Variants in STK32B observed in about 807,000 individuals in gnomAD.
STK32B encodes the protein serine/threonine kinase 32B, also known as serine/threonine-protein kinase 32B.
In STK32B, 43 loss-of-function variants were observed where a neutral mutation model predicts 52.6. The ratio of observed to expected loss-of-function variants is 0.82; its 90% CI spans 0.64 to 1.05. STK32B has a LOEUF of 1.05. Among genes scored for constraint, STK32B ranks in the 50% least tolerant of loss-of-function variants. STK32B has a pLI of 0.00. For missense variants in STK32B, 621 were observed against 534.6 expected (o/e 1.16, Z -1.59); for synonymous variants, 238 against 204.3 (o/e 1.17, Z -1.41).
chr4:5,461,663 G>T (rs1446398983), intron 9 of STK32B, among the ~76,000 whole-genome samples: 3 of 152,172 alleles, frequency 2.0e-5, no homozygotes, highest in South Asian at 2.1e-4. Flanking sequence ...TCCAGGGCTG[G>T]CCCTGCTCTC....
At chr4:5,242,741 C>A (rs1345658853) in intron 3 of STK32B, among the ~76,000 whole-genome samples, 52 of 152,126 alleles carry the variant, frequency 3.4e-4, no homozygotes, top group Admixed American at 1.3e-3. Context: ...ATCCATCTTG[C>A]ATTAATTTTT....
intron 6 of STK32B, among the ~76,000 whole-genome samples, chr4:5,424,703 C>T (rs1701181219): frequency 6.6e-6 from 1 of 152,204 alleles, no homozygotes; most frequent in Non-Finnish European, 1.5e-5. Flanking sequence ...TGTCCATGTA[C>T]CTCATTCTTC....
At chr4:5,150,113 T>C (rs910713600) in intron 2 of STK32B, among the ~76,000 whole-genome samples, 13 of 152,096 alleles carry the variant, frequency 8.5e-5, no homozygotes, top group African/African-American at 3.1e-4. Context: ...TTGTCCAGTA[T>C]GTAATGTGTC....
At chr4:5,332,176 C>A (rs1732299066) in intron 4 of STK32B, among the ~76,000 whole-genome samples, 2 of 152,122 alleles carry the variant, frequency 1.3e-5, no homozygotes, top group Non-Finnish European at 1.5e-5. Context: ...CTAAATTTTT[C>A]CCTTGTTAAA....
At chr4:5,335,068 G>C (rs979747807) in intron 4 of STK32B, among the ~76,000 whole-genome samples, 1 of 134,904 alleles carries the variant, frequency 7.4e-6, no homozygotes, top group Non-Finnish European at 1.5e-5. Flanking sequence ...GTTCCTCCTT[G>C]TACCTCTGGT....
At chr4:5,029,138 G>A in the STK32B span, among the ~76,000 whole-genome samples, 1 of 152,172 alleles carries the variant, frequency 6.6e-6, no homozygotes, top group Non-Finnish European at 1.5e-5. Flanking sequence ...TTGAACATGA[G>A]ATTTGGGTGG....
chr4:5,452,831 A>G (rs1318352868), intron 7 of STK32B, among the ~76,000 whole-genome samples: 1 of 152,126 alleles, frequency 6.6e-6, no homozygotes, highest in Non-Finnish European at 1.5e-5. Flanking sequence ...ACACTCCATA[A>G]TAAGTATATC....
intron 1 of STK32B, among the ~76,000 whole-genome samples, chr4:5,070,890 C>A (rs765919455): frequency 1.3e-5 from 2 of 152,120 alleles, no homozygotes; most frequent in Non-Finnish European, 2.9e-5. Flanking sequence ...CACAGAAGGC[C>A]GTCCCACAAG....
At chr4:5,433,028 C>T (rs1273856916) in intron 6 of STK32B, among the ~76,000 whole-genome samples, 2 of 152,060 alleles carry the variant, frequency 1.3e-5, no homozygotes, top group African/African-American at 4.8e-5. Context: ...TTTCATAACC[C>T]CTTTGTTTCA....
chr4:5,334,791 G>A lies in STK32B; in HGVS notation c.434+3398G>A, dbSNP rs145225260. ...TGCTGGATTACATTTATTGATTTGC[G>A]TATATTGAACCAGCCTTGCATCCTG... On this transcript the variant is annotated intron_variant, in intron 4 of 11. Transcript: ENST00000282908. Among the ~76,000 whole-genome samples the A allele has an allele frequency of 6.1e-4, 92 of 151,976 alleles. 1 individual carries two copies. The highest frequency in any genetic ancestry group is 2.0e-3 in the African/African-American group (83 of 41,330).
At chr4:5,032,455 C>T in the STK32B span, among the ~76,000 whole-genome samples, 12 of 114,154 alleles carry the variant, frequency 1.1e-4, no homozygotes, top group African/African-American at 2.1e-4. Flanking sequence ...CCAGCCTGGA[C>T]GGCAAAGCAA....
At position 5,468,015 on chromosome 4, in the gene STK32B, C is replaced by A. The variant is rs749299468; in HGVS notation, c.1051C>A (p.Leu351Met). The A allele has an allele frequency of 2.5e-6, 4 of 1,614,158 alleles. No homozygotes were observed. In the Admixed American group the frequency reaches 6.7e-5, roughly 27 times the overall value. ...CTGTGCTCTTTGACAGAATGGACACCTGCAGCACTGTTTGGAGACTGTCCG... is the reference window on the plus strand; with the variant it reads ...CTGTGCTCTTTGACAGAATGGACACATGCAGCACTGTTTGGAGACTGTCCG... ...TKDSCPLNGH[L>M]QHCLETVREE... The change falls in exon 11 of 12, where the codon CTG (leucine) becomes ATG (methionine). Residue 351 changes from leucine to methionine, a missense_variant. Leu to Met is a conservative substitution (Grantham distance 15). Coordinates refer to ENST00000282908, the MANE Select transcript of STK32B (RefSeq NM_018401.3).
chr4:5,479,539 G>C (rs115792160), intron 11 of STK32B, among the ~76,000 whole-genome samples: 1,699 of 152,318 alleles, frequency 0.011, 30 homozygotes, highest in African/African-American at 0.039. Context: ...TGGAGATGGA[G>C]CTCTCAGGCA....
At chr4:5,425,011 G>T (rs1712963023) in intron 6 of STK32B, among the ~76,000 whole-genome samples, 1 of 152,224 alleles carries the variant, frequency 6.6e-6, no homozygotes, top group African/African-American at 2.4e-5. Flanking sequence ...TCCAGACGCA[G>T]CCTTGGAGGG....
At chr4:5,158,061 G>C (rs1718009720) in intron 2 of STK32B, among the ~76,000 whole-genome samples, 1 of 152,170 alleles carries the variant, frequency 6.6e-6, no homozygotes, top group Admixed American at 6.5e-5. Flanking sequence ...CACTTTATTA[G>C]GAGCTAAATA....
intron 6 of STK32B, among the ~76,000 whole-genome samples, chr4:5,443,901 G>C (rs1238501369): frequency 2.6e-5 from 4 of 152,370 alleles, no homozygotes; most frequent in African/African-American, 9.6e-5. Flanking sequence ...GTGCCTGCCA[G>C]TCAGGCTGCT....
At chr4:5,445,085 A>G (rs1182982819) in intron 6 of STK32B, among the ~76,000 whole-genome samples, 1 of 152,000 alleles carries the variant, frequency 6.6e-6, no homozygotes, top group Non-Finnish European at 1.5e-5. Flanking sequence ...TGACCTCTTC[A>G]TACTGCTGGC....
chr4:5,313,209 G>C (rs73794555), intron 3 of STK32B, among the ~76,000 whole-genome samples: 12,524 of 151,588 alleles, frequency 0.083, 823 homozygotes, highest in African/African-American at 0.18. Flanking sequence ...ATTCACTATA[G>C]ACTTGCAACA....
chr4:5,296,990 C>T (rs1729243671), intron 3 of STK32B, among the ~76,000 whole-genome samples: 1 of 152,136 alleles, frequency 6.6e-6, no homozygotes, highest in Non-Finnish European at 1.5e-5. Context: ...CAAAATCCCT[C>T]AGCATTTGCT....
Sources: gnomAD v4.1 joint callset for allele counts (sites outside exome capture counted in the v4.1 genomes callset) on GRCh38, gnomAD v4.1.1 for gene constraint, MANE v1.5 for transcripts, NCBI Gene and HGNC (gene_info 2026-07-23, HGNC 2026-07-21) for gene names.